Variants in CRACDL observed in about 807,000 individuals in gnomAD.
CRACDL encodes CRACD-like protein.
CRACDL carries 26 observed loss-of-function variants against 70.6 expected under a neutral mutation model. The ratio of observed to expected loss-of-function variants is 0.37; its 90% CI spans 0.27 to 0.51. The LOEUF (loss-of-function observed/expected upper bound fraction) is 0.51. Ranked by LOEUF, CRACDL falls within the 20% of genes least tolerant of loss-of-function variation. The probability of loss-of-function intolerance (pLI) is 0.94; values close to 1 mark genes in which losing one functional copy is unlikely to be tolerated. For missense variants in CRACDL, 1,283 were observed against 1,376.9 expected (o/e 0.93, Z 1.08); for synonymous variants, 618 against 615.2 (o/e 1.00, Z -0.07).
chr2:98,806,208 G>T (rs992537333), intron 7 of CRACDL, among the ~76,000 whole-genome samples: 2 of 152,234 alleles, frequency 1.3e-5, no homozygotes, highest in African/African-American at 2.4e-5. Flanking sequence ...GGTCTGCTTT[G>T]GTTGTTGTCA....
chr2:98,868,344 C>T (rs895550701), intron 1 of CRACDL, among the ~76,000 whole-genome samples: 7 of 149,380 alleles, frequency 4.7e-5, no homozygotes, highest in East Asian at 1.9e-4. Context: ...AAGTGATGTG[C>T]GGATATAACC....
intron 1 of CRACDL, among the ~76,000 whole-genome samples, chr2:98,881,741 A>T (rs1307846484): frequency 6.6e-6 from 1 of 152,224 alleles, no homozygotes; most frequent in Non-Finnish European, 1.5e-5. Flanking sequence ...GAAGCCACTC[A>T]TGGCCAACGA....
chr2:98,827,549 C>T (rs1337117644), intron 5 of CRACDL, among the ~76,000 whole-genome samples: 1 of 152,232 alleles, frequency 6.6e-6, no homozygotes, highest in Non-Finnish European at 1.5e-5. Flanking sequence ...CTTGGCCTCC[C>T]AAAGTGCTGG....
rs1452839589 is a variant in CRACDL, at chr2:98,796,105, T to C, written c.2749+15A>G. The C allele has an allele frequency of 1.9e-6, 3 of 1,610,994 alleles. No homozygotes were observed. Among genetic ancestry groups the C allele is most frequent in the Non-Finnish European group, 2.5e-6 (3 of 1,177,222 alleles). On this transcript the variant is annotated intron_variant, in intron 9 of 9. Transcript: ENST00000397899. ...ATGATTTCAAAGTATGTGGTAATGT[T>C]TGCAGATTTCATACCCAAGTTCTGA...
At chr2:98,832,771 C>A in intron 4 of CRACDL, 91 bp downstream of exon 4, 1 of 1,497,642 alleles carries the variant, frequency 6.7e-7, no homozygotes. Context: ...TACTTTACAG[C>A]ATATCAAATA....
At chr2:98,843,427 T>C (rs1308865481) in intron 2 of CRACDL, among the ~76,000 whole-genome samples, 1 of 152,206 alleles carries the variant, frequency 6.6e-6, no homozygotes, top group African/African-American at 2.4e-5. Context: ...ATTTTTTCCT[T>C]TTATGGATTC....
chr2:98,869,622 G>A (rs906971719), intron 1 of CRACDL, among the ~76,000 whole-genome samples: 5 of 152,308 alleles, frequency 3.3e-5, no homozygotes, highest in African/African-American at 1.2e-4. Context: ...AACAGCTTCT[G>A]AGCCAGACAC....
chr2:98,846,565 T>C (rs538802318), intron 2 of CRACDL, among the ~76,000 whole-genome samples, 166 bp downstream of exon 2: 77 of 152,326 alleles, frequency 5.1e-4, no homozygotes, highest in Non-Finnish European at 1.0e-3. Flanking sequence ...ATAATGTGCA[T>C]GTGCCCCCAG....
At chr2:98,836,948 G>T (rs1183076914) in intron 3 of CRACDL, among the ~76,000 whole-genome samples, 1 of 152,088 alleles carries the variant, frequency 6.6e-6, no homozygotes, top group Non-Finnish European at 1.5e-5. Flanking sequence ...AGCCAGGCGT[G>T]GTGGCGGGTG....
intron 1 of CRACDL, among the ~76,000 whole-genome samples, chr2:98,874,874 C>T (rs1419823771): frequency 2.6e-5 from 4 of 152,172 alleles, no homozygotes; most frequent in African/African-American, 4.8e-5. Flanking sequence ...CACAGACCCT[C>T]GGCTCATGAA....
intron 1 of CRACDL, among the ~76,000 whole-genome samples, chr2:98,874,328 C>T (rs943019774): frequency 4.6e-5 from 7 of 152,306 alleles, no homozygotes; most frequent in South Asian, 2.1e-4. Context: ...AACAGGAAAC[C>T]GCAGCTGCAG....
chr2:98,935,836 C>T (rs1709192718), intron 1 of CRACDL, 102 bp downstream of exon 1: 1 of 152,228 alleles, frequency 6.6e-6, no homozygotes, highest in Non-Finnish European at 1.5e-5. Context: ...CCCTCGACCC[C>T]CTAGCCCCGG....
At chr2:98,858,282 A>G in intron 1 of CRACDL, among the ~76,000 whole-genome samples, 1 of 152,122 alleles carries the variant, frequency 6.6e-6, no homozygotes. Flanking sequence ...AACACTGCTG[A>G]GGCAGGCGGA....
At chr2:98,900,600 CATGT>C (rs1213762355) in intron 1 of CRACDL, among the ~76,000 whole-genome samples, 1 of 152,122 alleles carries the variant, frequency 6.6e-6, no homozygotes, top group Non-Finnish European at 1.5e-5. Flanking sequence ...CACGTTTGTG[CATGT>C]GTGTGGGCGT....
At chr2:98,812,054 C>T (rs1412376099) in intron 7 of CRACDL, among the ~76,000 whole-genome samples, 2 of 152,240 alleles carry the variant, frequency 1.3e-5, no homozygotes, top group African/African-American at 4.8e-5. Flanking sequence ...CTGCTCACTG[C>T]AACCTCCACC....
chr2:98,863,592 G>C (rs900224762), intron 1 of CRACDL, among the ~76,000 whole-genome samples: 11 of 152,158 alleles, frequency 7.2e-5, no homozygotes, highest in African/African-American at 2.2e-4. Flanking sequence ...AAGAGGTACA[G>C]GCTTTTAAAA....
At chr2:98,913,542 C>T (rs1210240510) in intron 1 of CRACDL, among the ~76,000 whole-genome samples, 1 of 152,024 alleles carries the variant, frequency 6.6e-6, no homozygotes, top group African/African-American at 2.4e-5. Context: ...TGGGAAGGAC[C>T]CACGGGGCTG....
chr2:98,889,285 G>GAGAA (rs55635946), intron 1 of CRACDL, among the ~76,000 whole-genome samples: 13,377 of 140,748 alleles, frequency 0.095, 819 homozygotes, highest in East Asian at 0.21. Flanking sequence ...GAAAAAGAGA[G>GAGAA]AGAAAGAAAG....
At chr2:98,851,523 A>T (rs1450766571) in intron 1 of CRACDL, among the ~76,000 whole-genome samples, 10 of 152,134 alleles carry the variant, frequency 6.6e-5, no homozygotes, top group African/African-American at 2.4e-4. Context: ...ACCCACCTTT[A>T]TTCAATCTTT....
Sources: gnomAD v4.1 joint callset for allele counts (sites outside exome capture counted in the v4.1 genomes callset) on GRCh38, gnomAD v4.1.1 for gene constraint, MANE v1.5 for transcripts, NCBI Gene and HGNC (gene_info 2026-07-23, HGNC 2026-07-21) for gene names.